Variants in ZNF184 observed in about 807,000 individuals in gnomAD.
The protein encoded by ZNF184 is zinc finger protein 184, also known as zinc finger protein 184 (Kruppel-like).
ZNF184 carries 16 observed loss-of-function variants against 54.4 expected under a neutral mutation model. The observed-to-expected ratio is 0.29, with a 90% CI of 0.20 to 0.45. ZNF184 has a LOEUF of 0.45. ZNF184 is among the 20% of genes least tolerant of loss of function. The probability of loss-of-function intolerance (pLI) is 1.00; values close to 1 mark genes in which losing one functional copy is unlikely to be tolerated. For synonymous variants in ZNF184, 254 were observed against 295.3 expected, an observed-to-expected ratio of 0.86 and a Z score of 1.43; for missense variants, 681 against 888.2, an observed-to-expected ratio of 0.77 and a Z score of 2.97.
chr6:27,413,899 T>TAGA, the ZNF184 span, among the ~76,000 whole-genome samples: 1 of 152,192 alleles, frequency 6.6e-6, no homozygotes, highest in Non-Finnish European at 1.5e-5. Flanking sequence ...GATCCTGGAG[T>TAGA]AGAACTGCAT....
At chr6:27,441,113 G>A in the ZNF184 span, among the ~76,000 whole-genome samples, 1 of 152,294 alleles carries the variant, frequency 6.6e-6, no homozygotes, top group East Asian at 1.9e-4. Context: ...AAGAAACCCA[G>A]TTGGCTGACC....
the ZNF184 span, among the ~76,000 whole-genome samples, chr6:27,441,524 T>G: frequency 1.3e-5 from 2 of 152,178 alleles, no homozygotes; most frequent in African/African-American, 4.8e-5. Flanking sequence ...CAGAACAGAA[T>G]CTGAATGCTG....
chr6:27,421,915 T>C, the ZNF184 span, among the ~76,000 whole-genome samples: 1 of 151,736 alleles, frequency 6.6e-6, no homozygotes, highest in East Asian at 1.9e-4. Flanking sequence ...ACAAAATATT[T>C]ACAAACTTAG....
the ZNF184 span, among the ~76,000 whole-genome samples, chr6:27,435,463 A>G: frequency 6.6e-6 from 1 of 152,170 alleles, no homozygotes. Flanking sequence ...GTGTATAGCA[A>G]TGCAACTAAT....
the ZNF184 span, among the ~76,000 whole-genome samples, chr6:27,422,239 C>T: frequency 7.0e-6 from 1 of 142,484 alleles, no homozygotes; most frequent in Admixed American, 7.1e-5. Context: ...ATTCAGAGAC[C>T]ACACTGGCAC....
At chr6:27,409,107 G>A in the ZNF184 span, among the ~76,000 whole-genome samples, 2 of 152,190 alleles carry the variant, frequency 1.3e-5, no homozygotes, top group Non-Finnish European at 2.9e-5. Flanking sequence ...TATTGGATGT[G>A]ATGGACATGC....
At chr6:27,416,702 G>A in the ZNF184 span, among the ~76,000 whole-genome samples, 2 of 152,074 alleles carry the variant, frequency 1.3e-5, no homozygotes, top group East Asian at 1.9e-4. Context: ...TCATTCCCAG[G>A]GTGACCCTAG....
At chr6:27,415,296 A>C in the ZNF184 span, among the ~76,000 whole-genome samples, 1 of 152,042 alleles carries the variant, frequency 6.6e-6, no homozygotes, top group Non-Finnish European at 1.5e-5. Context: ...ATGATACTCT[A>C]TTTTTCTCTA....
At chr6:27,463,377 T>G (rs1297332243) in intron 3 of ZNF184, among the ~76,000 whole-genome samples, 2 of 150,452 alleles carry the variant, frequency 1.3e-5, no homozygotes, top group African/African-American at 4.9e-5. Context: ...AACAGAAGAG[T>G]AAGCTTTGAA....
rs969515431 is a variant in ZNF184, at chr6:27,472,141, A to G, written c.7+147T>C. Reference sequence around the variant, plus strand: ...TCTCTATAAAACAGAATCTCTCCCTACAATGTAATTCGGTTTCTTTGCTAA... The same window carrying G: ...TCTCTATAAAACAGAATCTCTCCCTGCAATGTAATTCGGTTTCTTTGCTAA... On this transcript the variant is annotated intron_variant, in intron 2 of 5. Coordinates refer to ENST00000683788, the MANE Select transcript of ZNF184 (RefSeq NM_001318891.2). The surrounding 1 kb of genome is among the most constrained non-coding windows in gnomAD (Gnocchi z 4.8). The G allele has an allele frequency of 5.0e-6, 5 of 1,009,580 alleles. No individual in the cohort carries two copies. Among genetic ancestry groups the G allele is most frequent in the Admixed American group, 5.3e-5 (2 of 37,786 alleles). 62.5% of individuals were successfully genotyped at this position (1,009,580 alleles called of 1,614,324 possible). A position where few individuals can be genotyped will look rare whatever the true frequency, so the allele number is the denominator to read the frequency against.
the ZNF184 span, among the ~76,000 whole-genome samples, chr6:27,445,466 G>T: frequency 5.3e-5 from 8 of 152,152 alleles, no homozygotes; most frequent in Non-Finnish European, 1.2e-4. Context: ...GGTTATTAGG[G>T]ATCTGCCCTC....
the ZNF184 span, among the ~76,000 whole-genome samples, chr6:27,425,274 C>T: frequency 6.6e-5 from 10 of 152,238 alleles, no homozygotes; most frequent in Non-Finnish European, 2.9e-5. Flanking sequence ...AAGGGGCTCC[C>T]ACAGTGCAGT....
At chr6:27,442,753 GGGAA>G in the ZNF184 span, among the ~76,000 whole-genome samples, 3 of 143,476 alleles carry the variant, frequency 2.1e-5, no homozygotes, top group African/African-American at 2.6e-5. Context: ...GAGGGAGGGA[GGGAA>G]GGAAGGAAGG....
chr6:27,465,741 AT>A (rs1763119047), intron 3 of ZNF184, among the ~76,000 whole-genome samples: 2 of 152,174 alleles, frequency 1.3e-5, no homozygotes, highest in South Asian at 4.1e-4. Flanking sequence ...TTCAAAATAT[AT>A]TTGCGAAAAT....
Position 27,451,487 on chromosome 6 carries a change from G to A in ZNF184, c.2072C>T (p.Thr691Ile). 2.5e-6 allele frequency: 4 copies of A among 1,613,986 alleles called. No individual in the cohort carries two copies. The highest frequency in any genetic ancestry group is 3.4e-6 in the Non-Finnish European group (4 of 1,179,974). ...RSTHLTEHQN[T>I]HTGEKPYNCN... ...GTTATAAGGTTTCTCTCCAGTATGA[G>A]TATTCTGATGTTCAGTCAGATGAGT... Residue 691 changes from threonine to isoleucine, a missense_variant, in exon 6 of 6, where the codon ACT becomes ATT. Physicochemically the swap from Thr to Ile is moderately conservative, Grantham distance 89. Coordinates refer to ENST00000683788, the MANE Select transcript of ZNF184 (RefSeq NM_001318891.2).
rs982896535 is a variant in ZNF184 at position 27,452,545 on chromosome 6, C to T, written c.1014G>A (p.Glu338=). The T allele has an allele frequency of 1.9e-6, 3 of 1,613,870 alleles. No homozygotes were observed. Among genetic ancestry groups the T allele is most frequent in the Non-Finnish European group, 2.5e-6 (3 of 1,180,010 alleles). ...CTCTCTGGCTAAAGGCTTTTCCACA[C>T]TCATTACAAGTGTATGGCTTCTCGC... ...HTGEKPYTCN[E]CGKAFSQRGH... The change falls in exon 6 of 6, where the codon GAG becomes GAA. Residue 338 remains glutamate (E), a synonymous_variant. Transcript: ENST00000683788. The surrounding 1 kb of genome is among the most constrained non-coding windows in gnomAD (Gnocchi z 5.5).
At chr6:27,436,495 G>T in the ZNF184 span, among the ~76,000 whole-genome samples, 1 of 152,100 alleles carries the variant, frequency 6.6e-6, no homozygotes, top group South Asian at 2.1e-4. Context: ...AAAGTATATT[G>T]AATTTTTCAA....
At chr6:27,467,736 G>A in intron 3 of ZNF184, 117 bp downstream of exon 3, 2 of 920,824 alleles carry the variant, frequency 2.2e-6, no homozygotes, top group Non-Finnish European at 3.2e-6. Flanking sequence ...AGACAGATGA[G>A]AGCCCAGAAT....
the ZNF184 span, among the ~76,000 whole-genome samples, chr6:27,415,942 C>T: frequency 6.6e-6 from 1 of 152,192 alleles, no homozygotes; most frequent in Non-Finnish European, 1.5e-5. Context: ...GGGATGCTTC[C>T]TGCTGATGGC....
Sources: gnomAD v4.1 joint callset for allele counts (sites outside exome capture counted in the v4.1 genomes callset) on GRCh38, gnomAD v4.1.1 for gene constraint, Gnocchi (gnomAD v3.1) non-coding constraint, MANE v1.5 for transcripts, NCBI Gene and HGNC (gene_info 2026-07-23, HGNC 2026-07-21) for gene names.